The following NRXN3 variants were observed in gnomAD, a reference collection of about 807,000 sequenced individuals.
NRXN3 encodes the protein neurexin III.
A neutral mutation model predicts 137.6 loss-of-function variants in NRXN3; 32 were observed. The ratio of observed to expected loss-of-function variants is 0.23; its 90% CI spans 0.18 to 0.31. The LOEUF (loss-of-function observed/expected upper bound fraction) is 0.31. Among genes scored for constraint, NRXN3 ranks in the 10% least tolerant of loss-of-function variants. NRXN3 has a pLI of 1.00. For missense variants in NRXN3, 1,574 were observed against 2,062.5 expected, an observed-to-expected ratio of 0.76 and a Z score of 4.59; for synonymous variants, 798 against 784.5, an observed-to-expected ratio of 1.02 and a Z score of -0.29.
intron 15 of NRXN3, among the ~76,000 whole-genome samples, chr14:79,189,816 A>G (rs1199218464): frequency 6.6e-6 from 1 of 152,180 alleles, no homozygotes; most frequent in Non-Finnish European, 1.5e-5. Context: ...ATACATATAT[A>G]ACCTATTTCA....
At chr14:79,748,123 C>T (rs942223160) in intron 19 of NRXN3, among the ~76,000 whole-genome samples, 7 of 151,976 alleles carry the variant, frequency 4.6e-5, no homozygotes, top group African/African-American at 1.5e-4. Flanking sequence ...TTGATAGCTG[C>T]AACAAATCAC....
chr14:78,533,260 A>G (rs759822981), intron 4 of NRXN3, among the ~76,000 whole-genome samples: 2 of 151,490 alleles, frequency 1.3e-5, no homozygotes, highest in Non-Finnish European at 2.9e-5. Context: ...TAATTTTTGT[A>G]TTTTTAGTAG....
chr14:78,715,082 A>C lies in NRXN3; in HGVS notation c.1987A>C (p.Asn663His). Residue 663 changes from asparagine to histidine, a missense_variant, in exon 8 of 21, where the codon AAC becomes CAC. Transcript: ENST00000335750. ...TAATGCTGTGTGCAAGGACGGCTGG[A>C]ACCGCTTCATCTGCGACTGCACCGG... ...KNNAVCKDGW[N>H]RFICDCTGTG... The C allele has an allele frequency of 6.2e-7, 1 of 1,613,232 alleles. No homozygotes were observed. The highest frequency in any genetic ancestry group is 1.1e-5 in the South Asian group (1 of 91,080).
rs554956924 is a variant in NRXN3, at chr14:78,971,600, A to G, written c.3142+3254A>G. Among the ~76,000 whole-genome samples the G allele has an allele frequency of 1.2e-4, 19 of 152,260 alleles. No homozygotes were observed. In the South Asian group the frequency reaches 3.9e-3, roughly 32 times the overall value. ...ATGACAGCAGGTAAAATAAAAGGCA[A>G]AAGAGTCCAAAATTATTTTTATTTA... On this transcript the variant is annotated intron_variant, in intron 14 of 20. Transcript: ENST00000335750.
chr14:78,913,720 C>T (rs936752177), intron 10 of NRXN3, among the ~76,000 whole-genome samples: 28 of 152,030 alleles, frequency 1.8e-4, no homozygotes, highest in African/African-American at 5.6e-4. Context: ...CAGATAAAAT[C>T]TTTTGTTTAA....
At chr14:79,830,483 G>C (rs568147878) in intron 20 of NRXN3, among the ~76,000 whole-genome samples, 1 of 152,208 alleles carries the variant, frequency 6.6e-6, no homozygotes, top group South Asian at 2.1e-4. Flanking sequence ...AGAATAGCTT[G>C]GTGTGTGCCT....
chr14:78,957,379 G>A lies in NRXN3; in HGVS notation c.2395+18G>A. On this transcript the variant is annotated intron_variant, in intron 11 of 20. Coordinates refer to ENST00000335750, the MANE Select transcript of NRXN3 (RefSeq NM_001330195.2). ...GGCTGAGGGTGAGTATGACTATGGTGAAATTCGTCTGTCTTTTCTCTCAGT... is the reference window on the plus strand; with the variant it reads ...GGCTGAGGGTGAGTATGACTATGGTAAAATTCGTCTGTCTTTTCTCTCAGT... 3 of 1,597,558 alleles carry A rather than the reference G, an allele frequency of 1.9e-6. No individual in the cohort carries two copies. The highest frequency in any genetic ancestry group is 2.5e-6 in the Non-Finnish European group (3 of 1,178,052).
intron 19 of NRXN3, among the ~76,000 whole-genome samples, chr14:79,742,458 C>T (rs1345539165): frequency 6.6e-6 from 1 of 152,088 alleles, no homozygotes; most frequent in East Asian, 1.9e-4. Flanking sequence ...CTTTCCCTCC[C>T]TATTTTAGTG....
intron 10 of NRXN3, among the ~76,000 whole-genome samples, chr14:78,934,797 C>A (rs538471968): frequency 6.9e-4 from 105 of 151,512 alleles, no homozygotes; most frequent in African/African-American, 2.5e-3. Context: ...ACATCACACA[C>A]TGGGCACTGT....
chr14:79,273,461 C>A (rs1346744823), intron 15 of NRXN3, among the ~76,000 whole-genome samples: 1 of 150,736 alleles, frequency 6.6e-6, no homozygotes, highest in African/African-American at 2.4e-5. Flanking sequence ...GGTGAAACCC[C>A]GTCTCTACTC....
chr14:79,752,595 G>C (rs1198248889), intron 19 of NRXN3, among the ~76,000 whole-genome samples: 3 of 152,112 alleles, frequency 2.0e-5, no homozygotes. Flanking sequence ...TTAAATGTTA[G>C]ACCTAAAACC....
At chr14:79,762,168 C>G (rs2099040921) in intron 19 of NRXN3, among the ~76,000 whole-genome samples, 1 of 151,614 alleles carries the variant, frequency 6.6e-6, no homozygotes, top group African/African-American at 2.4e-5. Context: ...CCAGAGGAAT[C>G]AGTCTGGGTG....
intron 16 of NRXN3, among the ~76,000 whole-genome samples, chr14:79,487,290 C>G (rs755981128): frequency 6.6e-6 from 1 of 152,076 alleles, no homozygotes; most frequent in Non-Finnish European, 1.5e-5. Flanking sequence ...GCTTAAAGCA[C>G]AGTCCTTCAT....
intron 15 of NRXN3, among the ~76,000 whole-genome samples, chr14:79,135,779 A>C (rs569856826): frequency 1.3e-5 from 2 of 152,268 alleles, no homozygotes; most frequent in South Asian, 4.1e-4. Context: ...TACATAAATT[A>C]TTTCTTTTCA....
At chr14:79,038,035 A>C (rs538924158) in intron 15 of NRXN3, among the ~76,000 whole-genome samples, 79 of 152,270 alleles carry the variant, frequency 5.2e-4, no homozygotes, top group African/African-American at 1.9e-3. Flanking sequence ...CAAGTTAATT[A>C]AGGCATTCTA....
At chr14:79,634,110 A>G (rs1012318260) in intron 16 of NRXN3, among the ~76,000 whole-genome samples, 3 of 152,216 alleles carry the variant, frequency 2.0e-5, no homozygotes, top group African/African-American at 7.2e-5. Flanking sequence ...TGATTTTTCT[A>G]CGGAAACAGC....
intron 16 of NRXN3, among the ~76,000 whole-genome samples, chr14:79,497,330 C>T (rs1056328833): frequency 6.6e-6 from 1 of 152,124 alleles, no homozygotes; most frequent in African/African-American, 2.4e-5. Flanking sequence ...ACAGGTTGAT[C>T]TTGTTTCTAC....
At chr14:78,961,012 ATTTTTTTT>A (rs201893544) in intron 11 of NRXN3, among the ~76,000 whole-genome samples, 1 of 137,222 alleles carries the variant, frequency 7.3e-6, no homozygotes, top group Admixed American at 7.4e-5. Context: ...GTATTTGCTA[ATTTTTTTT>A]TTTTTTTTTT....
At chr14:79,206,306 A>G (rs980861517) in intron 15 of NRXN3, among the ~76,000 whole-genome samples, 1 of 152,206 alleles carries the variant, frequency 6.6e-6, no homozygotes, top group African/African-American at 2.4e-5. Context: ...AGGTAATATT[A>G]TATCCCCATT....
Sources: gnomAD v4.1 joint callset for allele counts (sites outside exome capture counted in the v4.1 genomes callset) on GRCh38, gnomAD v4.1.1 for gene constraint, MANE v1.5 for transcripts, NCBI Gene and HGNC (gene_info 2026-07-23, HGNC 2026-07-21) for gene names.